Variants in TARS2 observed in about 807,000 individuals in gnomAD.
TARS2 encodes threonyl-tRNA synthetase 2, mitochondrial.
Under a neutral mutation model 94.4 loss-of-function variants are expected in TARS2, and 61 were observed. That is an observed-to-expected ratio of 0.65 (90% CI 0.53 to 0.80). The LOEUF is 0.80. Ranked by LOEUF, TARS2 falls within the 30% of genes least tolerant of loss-of-function variation. TARS2 has a pLI of 0.00. For synonymous variants in TARS2, 359 were observed against 353.4 expected (o/e 1.02, Z -0.18); for missense variants, 704 against 902.5 (o/e 0.78, Z 2.82).
At chr1:150,492,946 G>A (rs1424628855) in intron 7 of TARS2, among the ~76,000 whole-genome samples, 2 of 151,146 alleles carry the variant, frequency 1.3e-5, no homozygotes, top group East Asian at 2.0e-4. Flanking sequence ...GCAGTGGCGC[G>A]ATCTTGGCTC....
At chr1:150,491,728 A>T (rs1570837139) in intron 6 of TARS2, 66 bp downstream of exon 6, 3 of 1,488,808 alleles carry the variant, frequency 2.0e-6, no homozygotes, top group East Asian at 4.5e-5. Flanking sequence ...CAGAAATGCG[A>T]TAAGGGAAGA....
chr1:150,488,103 C>T, intron 2 of TARS2, 49 bp downstream of exon 2: 1 of 1,584,868 alleles, frequency 6.3e-7, no homozygotes, highest in Non-Finnish European at 8.6e-7. Context: ...TGCCCCTTTA[C>T]TTTCTCTTCA....
At position 150,497,629 on chromosome 1, in the gene TARS2, G is replaced by A; in HGVS notation, c.1120G>A (p.Asp374Asn). 6.2e-7 allele frequency: 1 copy of A among 1,614,176 alleles called. No homozygotes were observed. Residue 374 changes from aspartate (D) to asparagine (N), a missense_variant, in exon 10 of 18, where the codon GAC (aspartate) becomes AAC (asparagine). Asp to Asn is a conservative substitution (Grantham distance 23, BLOSUM62 1). This residue lies in a region of TARS2 where 466 missense variants were observed against 609.5 expected (regional missense o/e 0.76). Coordinates refer to ENST00000369064, the MANE Select transcript of TARS2 (RefSeq NM_025150.5). ...AGGGCACTGGGAGCATTATCAGGAAGACATGTTTGCCGTGCAGCCCCCAGG... is the reference window on the plus strand; with the variant it reads ...AGGGCACTGGGAGCATTATCAGGAAAACATGTTTGCCGTGCAGCCCCCAGG... ...QSGHWEHYQE[D>N]MFAVQPPGSD...
chr1:150,498,594 G>C lies in TARS2; in HGVS notation c.1331G>C (p.Gly444Ala), dbSNP rs776060092. The C allele has an allele frequency of 6.2e-7, 1 of 1,612,314 alleles. No homozygotes were observed. Among genetic ancestry groups the C allele is most frequent in the African/African-American group, 1.3e-5 (1 of 74,808 alleles). Residue 444 changes from glycine (G) to alanine (A), a missense_variant, in exon 11 of 18, where the codon GGT becomes GCT. Around this residue, in one of 3 missense-constraint regions of TARS2, gnomAD observed 466 missense variants for 609.5 expected, o/e 0.76. Coordinates refer to ENST00000369064, the MANE Select transcript of TARS2 (RefSeq NM_025150.5). ...CTACACCGGGCCGAAGCCTCTGGTG[G>C]TCTGGGGGGACTGACCCGACTGCGG... ...GALHRAEASG[G>A]LGGLTRLRCF...
In TARS2 at chr1:150,491,415, G is replaced by A; in HGVS notation, c.534G>A (p.Leu178=). The A allele has an allele frequency of 6.2e-7, 1 of 1,613,218 alleles. No homozygotes were observed. The highest frequency in any genetic ancestry group is 8.5e-7 in the Non-Finnish European group (1 of 1,180,026). ...GKERTIRGSE[L]PVLERICQEL... ...CCAGGACAATCCGGGGCTCAGAGCT[G>A]CCTGTTTTGGAGCGGATTTGCCAGG... Residue 178 remains leucine (L), a synonymous_variant, in exon 5 of 18, where the codon CTG becomes CTA. Coordinates refer to ENST00000369064, the MANE Select transcript of TARS2 (RefSeq NM_025150.5).
intron 13 of TARS2, among the ~76,000 whole-genome samples, chr1:150,503,585 A>ATATGTGTGTGTG (rs1461714331): frequency 1.3e-4 from 18 of 137,110 alleles, no homozygotes; most frequent in Admixed American, 4.3e-4. Context: ...GTGTATATAT[A>ATATGTGTGTGTG]TGTGTGTGTG....
intron 17 of TARS2, among the ~76,000 whole-genome samples, chr1:150,506,504 A>ACACT (rs1670221759): frequency 6.8e-6 from 1 of 147,190 alleles, no homozygotes; most frequent in Admixed American, 6.8e-5. Context: ...ACACACACAC[A>ACACT]CACACACACA....
At chr1:150,490,785 G>T in intron 4 of TARS2, 60 bp downstream of exon 4, 1 of 1,606,704 alleles carries the variant, frequency 6.2e-7, no homozygotes, top group Non-Finnish European at 8.5e-7. Flanking sequence ...CTCTTTTCAG[G>T]GGCCTTGGGC....
chr1:150,503,607 GTGTATATATA>G (rs1670039622), intron 13 of TARS2, among the ~76,000 whole-genome samples: 1 of 136,672 alleles, frequency 7.3e-6, no homozygotes, highest in African/African-American at 2.9e-5. Context: ...GTGTGTATGT[GTGTATATATA>G]TGTGTGTGTA....
intron 13 of TARS2, among the ~76,000 whole-genome samples, chr1:150,500,732 C>A (rs1669876380): frequency 6.6e-6 from 1 of 151,716 alleles, no homozygotes; most frequent in Admixed American, 6.6e-5. Context: ...AGCGTGGTGA[C>A]AGGCACCTGT....
intron 10 of TARS2, among the ~76,000 whole-genome samples, chr1:150,498,231 A>G (rs1044163551): frequency 6.6e-6 from 1 of 152,124 alleles, no homozygotes; most frequent in Non-Finnish European, 1.5e-5. Flanking sequence ...TAAAGTTGCT[A>G]TCTAAGGCTC....
chr1:150,500,992 G>C (rs1472109742), intron 13 of TARS2, among the ~76,000 whole-genome samples: 3 of 152,122 alleles, frequency 2.0e-5, no homozygotes, highest in Non-Finnish European at 4.4e-5. Context: ...GGAAGGAAAG[G>C]CTGAAGGTAG....
chr1:150,489,055 T>G lies in TARS2; in HGVS notation c.355T>G (p.Phe119Val). 5 of 1,614,218 alleles carry G rather than the reference T, an allele frequency of 3.1e-6. No individual in the cohort carries two copies. Among genetic ancestry groups the G allele is most frequent in the Non-Finnish European group, 4.2e-6 (5 of 1,180,038 alleles). The change falls in exon 3 of 18, where the codon TTT becomes GTT. Residue 119 changes from phenylalanine to valine, a missense_variant. Physicochemically the swap from Phe to Val is conservative, Grantham distance 50. Transcript: ENST00000369064. ...CTTGGAGACAGATTCTGACCTCAGA[T>G]TTCTGACATTCGATTCCCCAGAGGG... Reference protein sequence around the residue: ...RPLETDSDLRFLTFDSPEGKA... With the variant: ...RPLETDSDLRVLTFDSPEGKA...
Position 150,504,614 on chromosome 1 carries a change from C to A in TARS2, c.1719-18C>A. 2 of 1,612,448 alleles carry A rather than the reference C, an allele frequency of 1.2e-6. No homozygotes were observed. The highest frequency in any genetic ancestry group is 1.1e-5 in the South Asian group (1 of 91,004). ...ATACTTCCACCATTCCATCCACCCC[C>A]CCCTTTTTCCTTTCAAGGCAGGCGG... On this transcript the variant is annotated intron_variant, in intron 14 of 17. Transcript: ENST00000369064.
Position 150,506,957 on chromosome 1 carries a change from C to G in TARS2, c.2050C>G (p.Arg684Gly), listed in dbSNP as rs1294564776. The change falls in exon 18 of 18, where the codon CGG (arginine) becomes GGG (glycine). Residue 684 changes from arginine (R) to glycine (G), a missense_variant. Physicochemically the swap from Arg to Gly is moderately radical, Grantham distance 125. This residue lies in a region of TARS2 where 466 missense variants were observed against 609.5 expected (regional missense o/e 0.76). Transcript: ENST00000369064. Reference protein sequence around the residue: ...KEQSKRTVNIRTRDNRRLGEW... With the variant: ...KEQSKRTVNIGTRDNRRLGEW... ...GCAAAGTAAGAGAACAGTGAACATT[C>G]GGACTCGAGATAATCGTCGCCTTGG... 1 of 1,614,096 alleles carries G rather than the reference C, an allele frequency of 6.2e-7. No homozygotes were observed. The highest frequency in any genetic ancestry group is 1.6e-4 in the Middle Eastern group (1 of 6,062).
Position 150,494,834 on chromosome 1 carries a change from G to A in TARS2, c.775-1648G>A, listed in dbSNP as rs587744675. 4.1e-4 allele frequency among the ~76,000 whole-genome samples: 62 copies of A among 152,222 alleles called. 1 individual carries two copies. Among genetic ancestry groups the A allele is most frequent in the African/African-American group, 1.4e-3 (57 of 41,538 alleles). ...GAGTGAATCACGAGGTCCAGAGATC[G>A]AGACCATCCTGGCTAACACCGTGAA... On this transcript the variant is annotated intron_variant, in intron 7 of 17. Coordinates refer to ENST00000369064, the MANE Select transcript of TARS2 (RefSeq NM_025150.5).
rs1670100389 is a variant in TARS2, at chr1:150,504,396, A to C, written c.1679A>C (p.Asp560Ala). Residue 560 changes from aspartate (D) to alanine (A), a missense_variant, in exon 14 of 18, where the codon GAC becomes GCC. Coordinates refer to ENST00000369064, the MANE Select transcript of TARS2 (RefSeq NM_025150.5). ...RPHQCGTIQL[D>A]FQLPLRFDLQ... is the part of the protein sequence containing the mutation. ...CATCAGTGTGGGACAATTCAGCTTG[A>C]CTTCCAACTGCCCCTGAGATTTGAC... is the stretch of plus-strand genomic sequence containing the variant. 6.2e-7 allele frequency: 1 copy of C among 1,613,908 alleles called. No individual in the cohort carries two copies. The highest frequency in any genetic ancestry group is 1.3e-5 in the African/African-American group (1 of 74,878).
chr1:150,488,836 C>G, intron 2 of TARS2, 128 bp from the exon 3 acceptor site: 1 of 1,359,770 alleles, frequency 7.4e-7, no homozygotes, highest in Non-Finnish European at 9.9e-7. Flanking sequence ...TGGTAACTAT[C>G]ACTCTATTCT....
At chr1:150,505,056 C>CT in intron 16 of TARS2, 78 bp downstream of exon 16, 1 of 1,464,320 alleles carries the variant, frequency 6.8e-7, no homozygotes, top group South Asian at 1.2e-5. Flanking sequence ...CAGGAAGAGG[C>CT]TGCAGGGGTG....
Sources: gnomAD v4.1 joint callset for allele counts (sites outside exome capture counted in the v4.1 genomes callset) on GRCh38, gnomAD v4.1.1 for gene constraint, gnomAD v4.1.1 regional missense constraint, MANE v1.5 for transcripts, NCBI Gene and HGNC (gene_info 2026-07-23, HGNC 2026-07-21) for gene names.